The following RBFOX1 variants were observed in gnomAD, a reference collection of about 807,000 sequenced individuals.
RBFOX1 encodes the protein RNA binding protein fox-1 homolog 1.
In RBFOX1, 8 loss-of-function variants were observed where a neutral mutation model predicts 57.7. That is an observed-to-expected ratio of 0.14 (90% CI 0.08 to 0.25). The LOEUF is 0.25. RBFOX1 is among the 10% of genes least tolerant of loss of function. The pLI, the probability that RBFOX1 is intolerant of heterozygous loss-of-function variation, is 1.00. For missense variants in RBFOX1, 611 were observed against 548.5 expected, an observed-to-expected ratio of 1.11 and a Z score of -1.14; for synonymous variants, 326 against 222.4, an observed-to-expected ratio of 1.47 and a Z score of -4.15.
chr16:6,934,752 A>G (rs1191884507), intron 3 of RBFOX1, among the ~76,000 whole-genome samples: 1 of 151,904 alleles, frequency 6.6e-6, no homozygotes, highest in Non-Finnish European at 1.5e-5. Flanking sequence ...AGTTTGGAGG[A>G]TCTCAGAGGG....
intron 4 of RBFOX1, among the ~76,000 whole-genome samples, chr16:7,170,128 A>G (rs1425269580): frequency 2.0e-5 from 3 of 152,206 alleles, no homozygotes; most frequent in Non-Finnish European, 2.9e-5. Context: ...GGTAATTAAT[A>G]TATCTTATGT....
intron 3 of RBFOX1, among the ~76,000 whole-genome samples, chr16:5,768,880 G>A (rs2053881235): frequency 6.6e-6 from 1 of 151,930 alleles, no homozygotes; most frequent in South Asian, 2.1e-4. Flanking sequence ...TTGTTTGTTT[G>A]TTTGTTTGTT....
intron 1 of RBFOX1, among the ~76,000 whole-genome samples, chr16:5,255,421 C>T (rs1242468943): frequency 6.6e-6 from 1 of 151,846 alleles, no homozygotes; most frequent in East Asian, 1.9e-4. Flanking sequence ...CCCATCTATC[C>T]ACCCACCCAC....
intron 3 of RBFOX1, among the ~76,000 whole-genome samples, chr16:5,658,587 T>A (rs568531533): frequency 3.9e-4 from 60 of 152,036 alleles, no homozygotes; most frequent in Non-Finnish European, 7.5e-4. Flanking sequence ...CTCCCACTTA[T>A]AAGTGAGAAG....
At chr16:6,089,293 C>A (rs1011007131) in intron 1 of RBFOX1, among the ~76,000 whole-genome samples, 3 of 151,986 alleles carry the variant, frequency 2.0e-5, no homozygotes, top group Non-Finnish European at 2.9e-5. Flanking sequence ...GAGTCTTACA[C>A]AATGAATGAG....
chr16:7,680,093 C>G (rs1360027852), intron 14 of RBFOX1, among the ~76,000 whole-genome samples: 1 of 152,182 alleles, frequency 6.6e-6, no homozygotes, highest in African/African-American at 2.4e-5. Flanking sequence ...TCATTGCATG[C>G]CACTTGGTGT....
intron 1 of RBFOX1, among the ~76,000 whole-genome samples, chr16:6,076,666 A>T (rs529352884): frequency 1.3e-3 from 197 of 152,208 alleles, no homozygotes; most frequent in Non-Finnish European, 2.0e-3. Flanking sequence ...TATAAGGAAG[A>T]ACACAACTTT....
intron 4 of RBFOX1, among the ~76,000 whole-genome samples, chr16:7,239,203 T>A (rs1186502272): frequency 6.6e-6 from 1 of 152,086 alleles, no homozygotes; most frequent in Non-Finnish European, 1.5e-5. Context: ...GTAGGTACTG[T>A]GGGTGCCAGG....
At chr16:6,981,050 A>AAAAAAAAAC (rs1157519951) in intron 3 of RBFOX1, among the ~76,000 whole-genome samples, 3 of 151,078 alleles carry the variant, frequency 2.0e-5, no homozygotes, top group Non-Finnish European at 2.9e-5. Flanking sequence ...CTCAAAAAAA[A>AAAAAAAAAC]AAAAAAAAAC....
chr16:7,151,961 C>T (rs1056579949), intron 4 of RBFOX1, among the ~76,000 whole-genome samples: 6 of 152,158 alleles, frequency 3.9e-5, no homozygotes, highest in African/African-American at 1.2e-4. Context: ...GCTTGCTCAC[C>T]TGCTGCTTAC....
intron 2 of RBFOX1, among the ~76,000 whole-genome samples, chr16:6,392,821 T>G (rs994625988): frequency 2.0e-5 from 3 of 152,200 alleles, no homozygotes; most frequent in African/African-American, 7.2e-5. Flanking sequence ...AAATTAACCA[T>G]TTACAGTTTG....
At chr16:6,368,052 C>A (rs756863170) in intron 2 of RBFOX1, among the ~76,000 whole-genome samples, 1 of 152,186 alleles carries the variant, frequency 6.6e-6, no homozygotes, top group Non-Finnish European at 1.5e-5. Context: ...GTCTTGGTCA[C>A]CCCCTCACAC....
chr16:7,257,050 T>C (rs1283831356), intron 4 of RBFOX1, among the ~76,000 whole-genome samples: 1 of 152,198 alleles, frequency 6.6e-6, no homozygotes, highest in Non-Finnish European at 1.5e-5. Context: ...TGGGATGCTG[T>C]ATAATTTCAT....
chr16:6,485,070 A>G (rs1321394809), intron 2 of RBFOX1, among the ~76,000 whole-genome samples: 3 of 152,168 alleles, frequency 2.0e-5, no homozygotes, highest in Non-Finnish European at 4.4e-5. Flanking sequence ...GCATGGAGTA[A>G]CTTGCCTTTG....
At chr16:7,337,976 C>T (rs571630501) in intron 4 of RBFOX1, among the ~76,000 whole-genome samples, 2 of 152,360 alleles carry the variant, frequency 1.3e-5, no homozygotes, top group South Asian at 2.1e-4. Context: ...AGCCACCATG[C>T]CCAGCCTAGG....
At chr16:6,427,473 T>A (rs1201991088) in intron 2 of RBFOX1, among the ~76,000 whole-genome samples, 1 of 152,186 alleles carries the variant, frequency 6.6e-6, no homozygotes, top group African/African-American at 2.4e-5. Flanking sequence ...GGTGAGAATT[T>A]AGACAGCAAA....
chr16:7,285,411 G>T (rs1386617966), intron 4 of RBFOX1, among the ~76,000 whole-genome samples: 2 of 151,554 alleles, frequency 1.3e-5, no homozygotes, highest in African/African-American at 4.9e-5. Flanking sequence ...TGTGTTTGCA[G>T]TGGTGGTAGT....
intron 15 of RBFOX1, 35 bp downstream of exon 15, chr16:7,709,166 C>T (rs1251688061): frequency 6.4e-7 from 1 of 1,557,416 alleles, no homozygotes; most frequent in African/African-American, 1.4e-5. Context: ...TCACTTCCTC[C>T]TGCCTCCCTT....
At chr16:5,364,938 C>G (rs887795915) in intron 1 of RBFOX1, among the ~76,000 whole-genome samples, 2 of 152,128 alleles carry the variant, frequency 1.3e-5, no homozygotes, top group African/African-American at 4.8e-5. Context: ...GCCTAAGAAG[C>G]TTAAAGGATG....
Sources: gnomAD v4.1 joint callset for allele counts (sites outside exome capture counted in the v4.1 genomes callset) on GRCh38, gnomAD v4.1.1 for gene constraint, MANE v1.5 for transcripts, NCBI Gene and HGNC (gene_info 2026-07-23, HGNC 2026-07-21) for gene names.